ST6GAL2: variants seen among roughly 807,000 people sequenced by gnomAD.
ST6GAL2 encodes the protein ST6 beta-galactoside alpha-2,6-sialyltransferase 2.
ST6GAL2 carries 24 observed loss-of-function variants against 37.5 expected under a neutral mutation model. The ratio of observed to expected loss-of-function variants is 0.64; its 90% CI spans 0.46 to 0.90. The LOEUF is 0.90. ST6GAL2 is among the 40% of genes least tolerant of loss of function. The pLI, the probability that ST6GAL2 is intolerant of heterozygous loss-of-function variation, is 0.00. For missense variants in ST6GAL2, 715 were observed against 712.7 expected (o/e 1.00, Z -0.04); for synonymous variants, 306 against 295.1 (o/e 1.04, Z -0.38).
At position 106,843,398 on chromosome 2, in the gene ST6GAL2, T is replaced by TGTCGCCGTC. The variant is rs772524367; in HGVS notation, c.571_579dup (p.Asp191_Asp193dup). 9 of 1,614,008 alleles carry TGTCGCCGTC rather than the reference T, an allele frequency of 5.6e-6. No individual in the cohort carries two copies. Among genetic ancestry groups the TGTCGCCGTC allele is most frequent in the Non-Finnish European group, 7.6e-6 (9 of 1,180,016 alleles). ...GCCCTGGACATGGAGGAGTACAGCC[T>TGTCGCCGTC]GTCGCCGTCGTCGCCCTCCTCCAAC... On this transcript the variant is annotated inframe_insertion, in exon 2 of 6. Transcript: ENST00000409382.
intron 5 of ST6GAL2, among the ~76,000 whole-genome samples, chr2:106,810,917 C>T (rs1017378318): frequency 5.3e-5 from 8 of 151,928 alleles, no homozygotes; most frequent in African/African-American, 1.7e-4. Context: ...TGCCACTGCA[C>T]TCTCATGCTC....
At chr2:106,870,324 TCACTAAGAGGGTGAAAAACG>T in intron 1 of ST6GAL2, among the ~76,000 whole-genome samples, 1 of 152,136 alleles carries the variant, frequency 6.6e-6, no homozygotes, top group Admixed American at 6.5e-5. Context: ...TAATAGTAAT[TCACTAAGAGGGTGAAAAACG>T]TGAAAACTTC....
intron 1 of ST6GAL2, among the ~76,000 whole-genome samples, chr2:106,859,299 A>G (rs1236535070): frequency 6.6e-6 from 1 of 152,166 alleles, no homozygotes; most frequent in Non-Finnish European, 1.5e-5. Flanking sequence ...ATACTTTTGG[A>G]AGTGGATGGA....
intron 1 of ST6GAL2, among the ~76,000 whole-genome samples, chr2:106,848,043 C>CTTT: frequency 7.1e-6 from 1 of 140,172 alleles, no homozygotes; most frequent in South Asian, 2.3e-4. Context: ...TTTTCTCTTT[C>CTTT]TTTTTTTTTT....
At chr2:106,871,789 C>T (rs954274257) in intron 1 of ST6GAL2, among the ~76,000 whole-genome samples, 7 of 152,144 alleles carry the variant, frequency 4.6e-5, no homozygotes, top group East Asian at 1.9e-4. Context: ...ATGAAAGCAA[C>T]GCCTTCTTCT....
At chr2:106,876,671 T>C (rs1558732471) in intron 1 of ST6GAL2, among the ~76,000 whole-genome samples, 1 of 152,298 alleles carries the variant, frequency 6.6e-6, no homozygotes, top group South Asian at 2.1e-4. Context: ...GATGTGCTGG[T>C]TATATAGGTA....
intron 1 of ST6GAL2, among the ~76,000 whole-genome samples, chr2:106,870,003 A>C (rs1240977288): frequency 6.6e-6 from 1 of 152,166 alleles, no homozygotes; most frequent in African/African-American, 2.4e-5. Flanking sequence ...GTGACGGACC[A>C]ACACAACTAA....
chr2:106,833,609 A>G lies in ST6GAL2; in HGVS notation c.1041+440T>C, dbSNP rs73949775. On this transcript the variant is annotated intron_variant, in intron 3 of 5. Transcript: ENST00000409382. ...GAGGTATTTTCATTTCCAATTAAACAATTCCTTTCCATTTTTTCAAATTTC... is the reference window on the plus strand; with the variant it reads ...GAGGTATTTTCATTTCCAATTAAACGATTCCTTTCCATTTTTTCAAATTTC... 1.9e-3 allele frequency among the ~76,000 whole-genome samples: 294 copies of G among 152,288 alleles called. 1 individual carries two copies. The highest frequency in any genetic ancestry group is 6.8e-3 in the African/African-American group (281 of 41,562).
intron 5 of ST6GAL2, among the ~76,000 whole-genome samples, chr2:106,810,525 C>T (rs1234847515): frequency 6.6e-6 from 1 of 152,186 alleles, no homozygotes; most frequent in Non-Finnish European, 1.5e-5. Flanking sequence ...AACTATGAAC[C>T]ATGGCTTGGA....
chr2:106,863,457 T>G (rs1413629638), intron 1 of ST6GAL2, among the ~76,000 whole-genome samples: 1 of 151,958 alleles, frequency 6.6e-6, no homozygotes, highest in Admixed American at 6.6e-5. Flanking sequence ...GTAGAATCAT[T>G]CCAACGGGGT....
intron 2 of ST6GAL2, among the ~76,000 whole-genome samples, chr2:106,838,119 G>A (rs2034357): frequency 0.1 from 15,657 of 152,152 alleles, 1,042 homozygotes; most frequent in Admixed American, 0.13. Flanking sequence ...AATAGAAGCT[G>A]TCCATTCATA....
intron 1 of ST6GAL2, among the ~76,000 whole-genome samples, chr2:106,879,617 T>TTATA (rs138599122): frequency 5.7e-4 from 86 of 150,102 alleles, no homozygotes; most frequent in Admixed American, 1.6e-3. Context: ...TATAGACCAA[T>TTATA]TATATATATA....
intron 1 of ST6GAL2, among the ~76,000 whole-genome samples, chr2:106,862,593 G>C (rs988938962): frequency 3.3e-5 from 5 of 151,950 alleles, no homozygotes; most frequent in African/African-American, 1.2e-4. Flanking sequence ...GGCATGTATG[G>C]CTACTATGGG....
At chr2:106,874,245 T>G (rs750443049) in intron 1 of ST6GAL2, among the ~76,000 whole-genome samples, 1 of 151,952 alleles carries the variant, frequency 6.6e-6, no homozygotes, top group Non-Finnish European at 1.5e-5. Context: ...TTAAATCATG[T>G]TAGGTGTGTG....
At chr2:106,848,516 G>A (rs931150712) in intron 1 of ST6GAL2, among the ~76,000 whole-genome samples, 1 of 152,216 alleles carries the variant, frequency 6.6e-6, no homozygotes, top group African/African-American at 2.4e-5. Context: ...TGTGCACAGT[G>A]GTGGGAAGTG....
chr2:106,828,257 A>C (rs1676280896), intron 5 of ST6GAL2, among the ~76,000 whole-genome samples: 1 of 152,216 alleles, frequency 6.6e-6, no homozygotes, highest in Non-Finnish European at 1.5e-5. Flanking sequence ...TGAATTCATG[A>C]GAGGGTGACA....
chr2:106,811,910 A>T (rs1394362680), intron 5 of ST6GAL2, among the ~76,000 whole-genome samples: 1 of 152,188 alleles, frequency 6.6e-6, no homozygotes, highest in Admixed American at 6.5e-5. Context: ...CAGGGTAAAA[A>T]GTCCAGGGGA....
intron 1 of ST6GAL2, among the ~76,000 whole-genome samples, chr2:106,844,741 G>C (rs939218109): frequency 6.6e-6 from 1 of 152,158 alleles, no homozygotes; most frequent in Non-Finnish European, 1.5e-5. Context: ...AGATAAGAGG[G>C]AAGTACATTA....
At chr2:106,864,505 A>C (rs1677941959) in intron 1 of ST6GAL2, among the ~76,000 whole-genome samples, 1 of 152,214 alleles carries the variant, frequency 6.6e-6, no homozygotes. Context: ...CTTTTTGCAA[A>C]ATGTATTCAC....
Sources: gnomAD v4.1 joint callset for allele counts (sites outside exome capture counted in the v4.1 genomes callset) on GRCh38, gnomAD v4.1.1 for gene constraint, MANE v1.5 for transcripts, NCBI Gene and HGNC (gene_info 2026-07-23, HGNC 2026-07-21) for gene names.